Variants in FGF12 observed in about 807,000 individuals in gnomAD.
FGF12 encodes fibroblast growth factor 12, also known as fibroblast growth factor 12B.
Under a neutral mutation model 23.6 loss-of-function variants are expected in FGF12, and 14 were observed. The ratio of observed to expected loss-of-function variants is 0.59; its 90% CI spans 0.39 to 0.93. The LOEUF (loss-of-function observed/expected upper bound fraction) is 0.93, where lower values mean the gene tolerates loss of function less well. Ranked by LOEUF, FGF12 falls within the 40% of genes least tolerant of loss-of-function variation. The pLI, the probability that FGF12 is intolerant of heterozygous loss-of-function variation, is 0.00. For synonymous variants in FGF12, 62 were observed against 77.3 expected, an observed-to-expected ratio of 0.80 and a Z score of 1.04; for missense variants, 175 against 217.8, an observed-to-expected ratio of 0.80 and a Z score of 1.24.
chr3:192,600,545 C>A (rs1560165187), intron 2 of FGF12, among the ~76,000 whole-genome samples: 2 of 152,010 alleles, frequency 1.3e-5, no homozygotes, highest in African/African-American at 4.8e-5. Flanking sequence ...GCAAACTATT[C>A]ATACAACAGA....
At chr3:192,242,840 A>C (rs1719692368) in intron 4 of FGF12, among the ~76,000 whole-genome samples, 1 of 152,102 alleles carries the variant, frequency 6.6e-6, no homozygotes, top group South Asian at 2.1e-4. Flanking sequence ...ATTATTGTTT[A>C]CAGGTGCAAT....
intron 5 of FGF12, among the ~76,000 whole-genome samples, chr3:192,158,818 T>C (rs1413823476): frequency 6.6e-6 from 1 of 152,000 alleles, no homozygotes; most frequent in Admixed American, 6.6e-5. Context: ...AATGTTTTCA[T>C]GGCAAAAATT....
chr3:192,278,675 G>A (rs1346482489), intron 4 of FGF12, among the ~76,000 whole-genome samples: 1 of 152,138 alleles, frequency 6.6e-6, no homozygotes, highest in Non-Finnish European at 1.5e-5. Context: ...CCTACATATG[G>A]TAGAAAGTGG....
intron 4 of FGF12, among the ~76,000 whole-genome samples, chr3:192,178,209 A>G (rs1715965245): frequency 6.6e-6 from 1 of 152,130 alleles, no homozygotes. Flanking sequence ...CTTACTTTAT[A>G]GCTATATTAT....
intron 4 of FGF12, among the ~76,000 whole-genome samples, chr3:192,271,100 C>A (rs1713407542): frequency 6.6e-6 from 1 of 152,156 alleles, no homozygotes; most frequent in African/African-American, 2.4e-5. Flanking sequence ...ATCTAAAAAT[C>A]ATTAACTGTG....
At chr3:192,157,319 C>T (rs1714482189) in intron 5 of FGF12, among the ~76,000 whole-genome samples, 1 of 152,204 alleles carries the variant, frequency 6.6e-6, no homozygotes, top group Non-Finnish European at 1.5e-5. Flanking sequence ...TTGGTCAGAA[C>T]AGGACCATAA....
At chr3:192,295,845 G>T (rs1038644267) in intron 4 of FGF12, among the ~76,000 whole-genome samples, 1 of 151,754 alleles carries the variant, frequency 6.6e-6, no homozygotes, top group Non-Finnish European at 1.5e-5. Flanking sequence ...TTTAAAAACT[G>T]CAATAGAAAT....
intron 2 of FGF12, among the ~76,000 whole-genome samples, chr3:192,580,538 G>T (rs756006321): frequency 6.6e-6 from 1 of 152,152 alleles, no homozygotes; most frequent in African/African-American, 2.4e-5. Context: ...AGGAAAATTG[G>T]TCTATGTCCC....
chr3:192,545,484 A>G (rs1397074214), intron 2 of FGF12, among the ~76,000 whole-genome samples: 1 of 152,214 alleles, frequency 6.6e-6, no homozygotes, highest in East Asian at 1.9e-4. Flanking sequence ...CTTCACAAGT[A>G]TGTGCATAGC....
intron 3 of FGF12, among the ~76,000 whole-genome samples, chr3:192,341,494 C>T (rs1274667947): frequency 1.3e-5 from 2 of 152,038 alleles, no homozygotes; most frequent in East Asian, 1.9e-4. Flanking sequence ...TTTGATAGTT[C>T]TCAGCTTTTC....
At chr3:192,270,086 G>C (rs1361300261) in intron 4 of FGF12, among the ~76,000 whole-genome samples, 4 of 152,166 alleles carry the variant, frequency 2.6e-5, no homozygotes, top group Non-Finnish European at 5.9e-5. Context: ...CCTGCATTCT[G>C]AGGTCAATGG....
intron 4 of FGF12, among the ~76,000 whole-genome samples, chr3:192,237,643 G>A (rs931107634): frequency 6.6e-6 from 1 of 151,994 alleles, no homozygotes; most frequent in Admixed American, 6.6e-5. Flanking sequence ...GCCTCCAATT[G>A]CATTATAAAA....
Position 192,319,423 on chromosome 3 carries a change from T to C in FGF12, c.228+15938A>G, listed in dbSNP as rs558559600. On this transcript the variant is annotated intron_variant, in intron 4 of 5. Transcript: ENST00000445105. The stretch of plus-strand genomic sequence containing the variant: ...ACCATCCTGGCCAACATGGTGAAAC[T>C]TCGCCTCTACTAAAAATACAAAAAT... Among the ~76,000 whole-genome samples, 163 of 151,904 alleles carry C rather than the reference T, an allele frequency of 1.1e-3. 1 individual carries two copies. The highest frequency in any genetic ancestry group is 3.7e-3 in the African/African-American group (155 of 41,436).
In FGF12 at chr3:192,398,243, T is replaced by C. The variant is rs574182848; in HGVS notation, c.14-37705A>G. 3.9e-4 allele frequency among the ~76,000 whole-genome samples: 59 copies of C among 152,332 alleles called. No individual in the cohort carries two copies. The Middle Eastern group carries it at 0.01, about 26-fold the overall frequency. ...GTTAGGAACATCCAAAACAGCACAC[T>C]AAGAAAATAGTTTTGTCCTTCAAGT... On this transcript the variant is annotated intron_variant, in intron 2 of 5. Coordinates refer to ENST00000445105, the MANE Select transcript of FGF12 (RefSeq NM_004113.6).
chr3:192,218,088 C>A (rs1176794382), intron 4 of FGF12, among the ~76,000 whole-genome samples: 1 of 152,194 alleles, frequency 6.6e-6, no homozygotes, highest in African/African-American at 2.4e-5. Flanking sequence ...CCACGTCGGC[C>A]TCCCAAAATG....
At chr3:192,609,091 C>G (rs1018743193) in intron 2 of FGF12, among the ~76,000 whole-genome samples, 1 of 152,116 alleles carries the variant, frequency 6.6e-6, no homozygotes, top group African/African-American at 2.4e-5. Context: ...CTAGATTCTT[C>G]TTAATGACGG....
chr3:192,653,059 A>T (rs1560182672), intron 2 of FGF12, among the ~76,000 whole-genome samples: 1 of 152,196 alleles, frequency 6.6e-6, no homozygotes, highest in Non-Finnish European at 1.5e-5. Context: ...GCCTTCTGTA[A>T]CATCATATTT....
At position 192,587,056 on chromosome 3, in the gene FGF12, A is replaced by T. The variant is rs376909991; in HGVS notation, c.13+140125T>A. Among the ~76,000 whole-genome samples the T allele has an allele frequency of 6.9e-4, 105 of 152,230 alleles. 7 individuals carry two copies. In the South Asian group the frequency reaches 0.021, roughly 30 times the overall value. On this transcript the variant is annotated intron_variant, in intron 2 of 5. Transcript: ENST00000445105. ...GGTCTACTCAGAATATATATATATA[A>T]AAGCTATAGTTTAAAGCAATTTATG...
At chr3:192,355,371 T>C (rs1363003511) in intron 3 of FGF12, among the ~76,000 whole-genome samples, 1 of 152,100 alleles carries the variant, frequency 6.6e-6, no homozygotes, top group African/African-American at 2.4e-5. Flanking sequence ...TAAAGACAGA[T>C]GGATGGATGG....
Sources: gnomAD v4.1 joint callset for allele counts (sites outside exome capture counted in the v4.1 genomes callset) on GRCh38, gnomAD v4.1.1 for gene constraint, MANE v1.5 for transcripts, NCBI Gene and HGNC (gene_info 2026-07-23, HGNC 2026-07-21) for gene names.